The following LSAMP variants were observed in gnomAD, a reference collection of about 807,000 sequenced individuals.
LSAMP encodes limbic system associated membrane protein.
A neutral mutation model predicts 38.6 loss-of-function variants in LSAMP; 7 were observed. That is an observed-to-expected ratio of 0.18 (90% confidence interval 0.10 to 0.34). The LOEUF (loss-of-function observed/expected upper bound fraction) is 0.34. LSAMP is among the 10% of genes least tolerant of loss of function. The pLI, the probability that LSAMP is intolerant of heterozygous loss-of-function variation, is 1.00. For synonymous variants in LSAMP, 154 were observed against 166.8 expected (o/e 0.92, Z 0.59); for missense variants, 313 against 420.0 (o/e 0.75, Z 2.23).
intron 1 of LSAMP, among the ~76,000 whole-genome samples, chr3:116,116,340 T>C (rs1426133514): frequency 6.6e-6 from 1 of 151,846 alleles, no homozygotes; most frequent in Non-Finnish European, 1.5e-5. Flanking sequence ...TTTATTTGGT[T>C]TCTTTCATGT....
chr3:116,008,090 G>A (rs1171839749), intron 3 of LSAMP, among the ~76,000 whole-genome samples: 1 of 152,152 alleles, frequency 6.6e-6, no homozygotes, highest in Non-Finnish European at 1.5e-5. Context: ...CAAAATGATT[G>A]TAATTTAAGT....
intron 3 of LSAMP, among the ~76,000 whole-genome samples, chr3:115,868,246 G>A (rs769038314): frequency 2.1e-4 from 32 of 152,078 alleles, no homozygotes; most frequent in Admixed American, 9.8e-4. Flanking sequence ...TGCTGGCTAC[G>A]TATTAAACTT....
intron 2 of LSAMP, among the ~76,000 whole-genome samples, chr3:116,033,217 T>C (rs535300171): frequency 1.8e-4 from 27 of 152,156 alleles, no homozygotes; most frequent in African/African-American, 2.4e-5. Flanking sequence ...ATGGTCTTTC[T>C]CCTCTCTCCC....
At chr3:115,991,436 G>A (rs781211553) in intron 3 of LSAMP, among the ~76,000 whole-genome samples, 2 of 151,976 alleles carry the variant, frequency 1.3e-5, no homozygotes, top group African/African-American at 2.4e-5. Flanking sequence ...ACATATACAT[G>A]TGCATGCCTG....
intron 1 of LSAMP, among the ~76,000 whole-genome samples, chr3:116,102,028 A>G (rs1708359130): frequency 6.6e-6 from 1 of 152,190 alleles, no homozygotes; most frequent in Non-Finnish European, 1.5e-5. Context: ...GGTCTCACAG[A>G]ACTTTAAAAT....
intron 1 of LSAMP, among the ~76,000 whole-genome samples, chr3:116,439,633 C>T (rs1050852471): frequency 7.2e-5 from 11 of 152,236 alleles, no homozygotes; most frequent in African/African-American, 2.7e-4. Flanking sequence ...TTGTGTAGCA[C>T]TTTATAATTC....
At chr3:116,409,961 G>A (rs762298265) in intron 1 of LSAMP, among the ~76,000 whole-genome samples, 5 of 151,990 alleles carry the variant, frequency 3.3e-5, no homozygotes, top group South Asian at 2.1e-4. Flanking sequence ...CCTCTGCCAC[G>A]ACATTTCTCA....
intron 1 of LSAMP, among the ~76,000 whole-genome samples, chr3:116,092,233 A>G (rs1708140987): frequency 6.6e-6 from 1 of 152,218 alleles, no homozygotes; most frequent in African/African-American, 2.4e-5. Context: ...CTATTTTAAT[A>G]TTTCTTAAGA....
At chr3:116,382,088 C>T (rs1383137510) in intron 1 of LSAMP, among the ~76,000 whole-genome samples, 1 of 152,080 alleles carries the variant, frequency 6.6e-6, no homozygotes, top group Non-Finnish European at 1.5e-5. Context: ...TTGTGGAAGT[C>T]AGTGTGGCAA....
At chr3:115,867,755 CAGAG>C (rs142457745) in intron 3 of LSAMP, among the ~76,000 whole-genome samples, 2 of 152,174 alleles carry the variant, frequency 1.3e-5, no homozygotes, top group Admixed American at 1.3e-4. Flanking sequence ...TCAGGGCAAA[CAGAG>C]AGATTTGTTT....
intron 1 of LSAMP, among the ~76,000 whole-genome samples, chr3:116,088,362 G>C (rs1053586370): frequency 6.6e-6 from 1 of 151,994 alleles, no homozygotes; most frequent in African/African-American, 2.4e-5. Context: ...TAATAATTTA[G>C]AGGCCTTTTA....
chr3:116,373,096 A>G (rs1165308751), intron 1 of LSAMP, among the ~76,000 whole-genome samples: 1 of 151,610 alleles, frequency 6.6e-6, no homozygotes, highest in East Asian at 1.9e-4. Flanking sequence ...TGAAAGCATA[A>G]TCTAAAAATA....
chr3:116,178,049 G>C (rs1174264896), intron 1 of LSAMP, among the ~76,000 whole-genome samples: 1 of 152,086 alleles, frequency 6.6e-6, no homozygotes, highest in Non-Finnish European at 1.5e-5. Context: ...GGGTTAGTAG[G>C]TAATAATACC....
chr3:115,918,617 G>A lies in LSAMP; in HGVS notation c.515-66000C>T, dbSNP rs577312214. Among the ~76,000 whole-genome samples the A allele has an allele frequency of 2.0e-5, 3 of 151,910 alleles. No homozygotes were observed. The South Asian group carries it at 6.2e-4, about 32-fold the overall frequency. ...CTGACTATGGCTTTGGCTGAGTGAT[G>A]ATGAACTGCAACTCTCAGTGGCTGC... is the stretch of plus-strand genomic sequence containing the variant. On this transcript the variant is annotated intron_variant, in intron 3 of 6. Coordinates refer to ENST00000490035, the MANE Select transcript of LSAMP (RefSeq NM_002338.5).
At chr3:116,099,799 T>A (rs1266194053) in intron 1 of LSAMP, among the ~76,000 whole-genome samples, 1 of 152,168 alleles carries the variant, frequency 6.6e-6, no homozygotes, top group Admixed American at 6.5e-5. Flanking sequence ...CCATGCACAC[T>A]TTTATACATT....
chr3:116,408,629 G>A (rs980178724), intron 1 of LSAMP, among the ~76,000 whole-genome samples: 1 of 152,080 alleles, frequency 6.6e-6, no homozygotes, highest in African/African-American at 2.4e-5. Flanking sequence ...CACCGTGCAT[G>A]ATAGATACTA....
chr3:116,413,820 C>T (rs1015324751), intron 1 of LSAMP, among the ~76,000 whole-genome samples: 1 of 151,570 alleles, frequency 6.6e-6, no homozygotes, highest in Non-Finnish European at 1.5e-5. Context: ...CAAAAGTCTT[C>T]CTAGCATATT....
intron 1 of LSAMP, among the ~76,000 whole-genome samples, chr3:116,174,562 G>A (rs1304403763): frequency 6.6e-6 from 1 of 151,938 alleles, no homozygotes; most frequent in Admixed American, 6.6e-5. Flanking sequence ...CAAAGAATTA[G>A]CCTATAAAAC....
intron 3 of LSAMP, among the ~76,000 whole-genome samples, chr3:115,938,060 G>A (rs961696285): frequency 3.1e-4 from 47 of 152,090 alleles, no homozygotes; most frequent in Non-Finnish European, 5.4e-4. Context: ...TATTGAATGT[G>A]GGCAAGACAA....
Sources: allele counts gnomAD v4.1 joint callset (sites outside exome capture counted in the v4.1 genomes callset), GRCh38; gene constraint gnomAD v4.1.1; transcripts MANE v1.5; gene names NCBI Gene and HGNC (gene_info 2026-07-23, HGNC 2026-07-21).